Variants in DNAH7 observed in about 807,000 individuals in gnomAD.
DNAH7 encodes axonemal beta dynein heavy chain 7.
DNAH7 carries 397 observed loss-of-function variants against 444.6 expected under a neutral mutation model. That is an observed-to-expected ratio of 0.89 (90% CI 0.82 to 0.97). The LOEUF is 0.97. Among genes scored for constraint, DNAH7 ranks in the 50% least tolerant of loss-of-function variants. DNAH7 has a pLI of 0.00. For missense variants in DNAH7, 4,902 were observed against 4,800.8 expected (o/e 1.02, Z -0.62); for synonymous variants, 1,636 against 1,624.4 (o/e 1.01, Z -0.17).
intron 4 of DNAH7, 94 bp downstream of exon 4, chr2:196,048,202 G>T: frequency 3.6e-6 from 4 of 1,103,466 alleles, no homozygotes; most frequent in Non-Finnish European, 5.0e-6. Flanking sequence ...ATGTCATTCA[G>T]GTTTTGTACT....
chr2:195,949,780 ATACC>A (rs1416108264), intron 19 of DNAH7, among the ~76,000 whole-genome samples: 4 of 152,188 alleles, frequency 2.6e-5, no homozygotes, highest in Non-Finnish European at 5.9e-5. Flanking sequence ...CGTTCCATAA[ATACC>A]TAGTTTATTG....
intron 15 of DNAH7, among the ~76,000 whole-genome samples, chr2:195,973,121 A>T (rs1367982745): frequency 6.6e-6 from 1 of 152,178 alleles, no homozygotes; most frequent in Non-Finnish European, 1.5e-5. Flanking sequence ...AAGAAGGAGC[A>T]AGGGTAAGGG....
rs770163770 is a variant in DNAH7 at position 196,012,909 on chromosome 2, G to A, written c.870-3C>T. On this transcript the variant is annotated splice_region_variant and splice_polypyrimidine_tract_variant and intron_variant, in intron 9 of 64. Coordinates refer to ENST00000312428, the MANE Select transcript of DNAH7 (RefSeq NM_018897.3). ...TGATATCAACTAAACGTAATTTTCT[G>A]CAAAAGATAAAAATAAACAGTAATT... 1 of 1,471,508 alleles carries A rather than the reference G, an allele frequency of 6.8e-7. No homozygotes were observed. Among genetic ancestry groups the A allele is most frequent in the Non-Finnish European group, 9.0e-7 (1 of 1,107,850 alleles). 91.2% of individuals were successfully genotyped at this position (1,471,508 alleles called of 1,614,324 possible). A position where few individuals can be genotyped will look rare whatever the true frequency, so the allele number is the denominator to read the frequency against.
intron 44 of DNAH7, among the ~76,000 whole-genome samples, chr2:195,856,316 T>C (rs1273415135): frequency 6.6e-6 from 1 of 152,074 alleles, no homozygotes; most frequent in Non-Finnish European, 1.5e-5. Flanking sequence ...TAAAGGTGAG[T>C]TTTCATGAGA....
chr2:196,009,257 T>G (rs1436579772), intron 10 of DNAH7, among the ~76,000 whole-genome samples: 1 of 152,150 alleles, frequency 6.6e-6, no homozygotes, highest in Non-Finnish European at 1.5e-5. Flanking sequence ...ATGAAAATGT[T>G]CTGGAACTAA....
chr2:195,979,825 C>T (rs1371231113), intron 15 of DNAH7, among the ~76,000 whole-genome samples: 1 of 151,760 alleles, frequency 6.6e-6, no homozygotes, highest in Non-Finnish European at 1.5e-5. Context: ...TTAGAGGCTA[C>T]TAAAGACAAC....
chr2:196,001,435 G>T (rs1694029088), intron 11 of DNAH7, among the ~76,000 whole-genome samples: 1 of 151,552 alleles, frequency 6.6e-6, no homozygotes, highest in South Asian at 2.1e-4. Flanking sequence ...CACAATCTTG[G>T]CTCGCTGCAG....
At chr2:195,847,156 T>A (rs1699053086) in intron 46 of DNAH7, among the ~76,000 whole-genome samples, 1 of 145,168 alleles carries the variant, frequency 6.9e-6, no homozygotes, top group African/African-American at 2.6e-5. Context: ...AGATATATAC[T>A]TATATATATA....
chr2:196,058,513 T>C (rs1697950451), intron 1 of DNAH7, among the ~76,000 whole-genome samples: 1 of 152,202 alleles, frequency 6.6e-6, no homozygotes, highest in Non-Finnish European at 1.5e-5. Context: ...AAAACAGTAA[T>C]AATACATATT....
intron 1 of DNAH7, 54 bp from the exon 2 acceptor site, chr2:196,058,170 G>C (rs1697927820): frequency 7.0e-7 from 1 of 1,435,544 alleles, no homozygotes; most frequent in African/African-American, 1.4e-5. Context: ...TGCTAAAATT[G>C]ATTCACTCAA....
chr2:195,802,926 G>T (rs1173277615), intron 54 of DNAH7, among the ~76,000 whole-genome samples: 1 of 152,006 alleles, frequency 6.6e-6, no homozygotes, highest in Non-Finnish European at 1.5e-5. Context: ...ACATTATTTA[G>T]CTCTCACTTA....
At chr2:195,766,239 T>C (rs1324450662) in intron 61 of DNAH7, among the ~76,000 whole-genome samples, 1 of 136,936 alleles carries the variant, frequency 7.3e-6, no homozygotes, top group Non-Finnish European at 1.5e-5. Context: ...AGTGGCACAA[T>C]CTTGGCTCAC....
intron 64 of DNAH7, among the ~76,000 whole-genome samples, chr2:195,739,789 A>G (rs1197106270): frequency 3.9e-5 from 6 of 152,220 alleles, no homozygotes; most frequent in Non-Finnish European, 4.4e-5. Context: ...AGAGCATCAA[A>G]GATTTGCATC....
At chr2:195,981,038 G>A (rs572629093) in intron 15 of DNAH7, among the ~76,000 whole-genome samples, 2 of 152,120 alleles carry the variant, frequency 1.3e-5, no homozygotes, top group East Asian at 3.9e-4. Context: ...ATCCAAATCA[G>A]AAAGAAAAGT....
At chr2:195,741,148 G>A (rs1238750839) in intron 63 of DNAH7, 2 of 177,952 alleles carry the variant, frequency 1.1e-5, no homozygotes, top group Admixed American at 6.2e-5. Context: ...GTGTGTGTGT[G>A]TGAACATTAT....
Position 196,068,721 on chromosome 2 carries a change from G to T in DNAH7, c.-10C>A. On this transcript the variant is annotated 5_prime_UTR_variant, in exon 1 of 65. Coordinates refer to ENST00000312428, the MANE Select transcript of DNAH7 (RefSeq NM_018897.3). ...CCTGCTCACTGCTCATGGCTGCGAG[G>T]ACGCGCTGGCCTCACCGGTGCTTCT... 2.6e-6 allele frequency: 4 copies of T among 1,551,316 alleles called. No homozygotes were observed. Among genetic ancestry groups the T allele is most frequent in the Non-Finnish European group, 3.5e-6 (4 of 1,147,380 alleles).
chr2:195,839,255 A>AT, intron 47 of DNAH7, among the ~76,000 whole-genome samples: 1 of 151,996 alleles, frequency 6.6e-6, no homozygotes, highest in Non-Finnish European at 1.5e-5. Context: ...AAATTAAAAA[A>AT]ATATATTTCT....
At chr2:195,927,283 T>C (rs370488112) in intron 21 of DNAH7, among the ~76,000 whole-genome samples, 1 of 152,204 alleles carries the variant, frequency 6.6e-6, no homozygotes, top group Admixed American at 6.6e-5. Context: ...TGAGGTGGTA[T>C]GTACTTTAAT....
At chr2:195,750,197 C>T (rs1316265490) in intron 63 of DNAH7, among the ~76,000 whole-genome samples, 2 of 151,998 alleles carry the variant, frequency 1.3e-5, no homozygotes, top group Admixed American at 6.6e-5. Flanking sequence ...TAATACTTCA[C>T]CTTCTTTTAT....
Sources: allele counts gnomAD v4.1 joint callset (sites outside exome capture counted in the v4.1 genomes callset), GRCh38; gene constraint gnomAD v4.1.1; transcripts MANE v1.5; gene names NCBI Gene and HGNC (gene_info 2026-07-23, HGNC 2026-07-21).